The following DNAH8 variants were observed in gnomAD, a reference collection of about 807,000 sequenced individuals.
DNAH8 encodes axonemal beta dynein heavy chain 8.
Under a neutral mutation model 562.1 loss-of-function variants are expected in DNAH8, and 382 were observed. The ratio of observed to expected loss-of-function variants is 0.68; its 90% CI spans 0.63 to 0.74. DNAH8 has a LOEUF of 0.74. Ranked by LOEUF, DNAH8 falls within the 30% of genes least tolerant of loss-of-function variation. The pLI, the probability that DNAH8 is intolerant of heterozygous loss-of-function variation, is 0.00. For missense variants in DNAH8, 5,203 were observed against 5,620.4 expected (o/e 0.93, Z 2.37); for synonymous variants, 1,881 against 1,919.4 (o/e 0.98, Z 0.52).
rs138016358 is a variant in DNAH8, at chr6:38,929,574, C to G, written c.11182C>G (p.Pro3728Ala). The G allele has an allele frequency of 9.7e-5, 157 of 1,612,536 alleles. 1 individual carries two copies. Among genetic ancestry groups the G allele is most frequent in the Non-Finnish European group, 1.2e-4 (136 of 1,179,410 alleles). Reference sequence around the variant, plus strand: ...GGAGGACAGCCTTTCCTTGGGCCGACCCCTTCTCATTGAGGACATTCATGA... The same window carrying G: ...GGAGGACAGCCTTTCCTTGGGCCGAGCCCTTCTCATTGAGGACATTCATGA... ...HLEDSLSLGR[P>A]LLIEDIHEEL... Residue 3728 changes from proline (P) to alanine (A), a missense_variant, in exon 75 of 93, where the codon CCC becomes GCC. Coordinates refer to ENST00000327475, the MANE Select transcript of DNAH8 (RefSeq NM_001206927.2).
intron 11 of DNAH8, chr6:38,763,115 T>C: frequency 3.0e-6 from 1 of 337,322 alleles, no homozygotes; most frequent in Non-Finnish European, 5.7e-6. Flanking sequence ...AATGACTACT[T>C]CACTTGCATC....
chr6:38,966,234 A>G (rs150378385), intron 82 of DNAH8, among the ~76,000 whole-genome samples: 1 of 152,334 alleles, frequency 6.6e-6, no homozygotes, highest in African/African-American at 2.4e-5. Flanking sequence ...CCAACAAATT[A>G]GATAACCTAG....
intron 88 of DNAH8, among the ~76,000 whole-genome samples, chr6:38,994,674 G>A (rs1765020602): frequency 7.4e-6 from 1 of 135,708 alleles, no homozygotes; most frequent in Non-Finnish European, 1.5e-5. Context: ...TTGAGCCGGA[G>A]TCATGCTCTG....
At chr6:38,908,141 A>G (rs753935844) in intron 64 of DNAH8, 21 bp downstream of exon 64, 37 of 1,450,864 alleles carry the variant, frequency 2.6e-5, no homozygotes, top group Non-Finnish European at 2.9e-5. Context: ...ATTTTTATTT[A>G]TATCTACGTA....
At position 38,870,526 on chromosome 6, in the gene DNAH8, G is replaced by A. The variant is rs1561791026; in HGVS notation, c.6954G>A (p.Leu2318=). The A allele has an allele frequency of 6.2e-7, 1 of 1,614,018 alleles. No individual in the cohort carries two copies. The part of the protein sequence containing the change: ...AVAHQVQIEG[L]INHPPWNLKL... ...CCCATCAGGTTCAGATAGAGGGTTT[G>A]ATTAACCATCCACCCTGGAACCTGA... The change falls in exon 49 of 93, where the codon TTG becomes TTA. Residue 2318 remains leucine, a synonymous_variant. Transcript: ENST00000327475.
rs568704029 is a variant in DNAH8, at chr6:38,725,606, C to T, written c.525+2135C>T. On this transcript the variant is annotated intron_variant, in intron 3 of 92. Transcript: ENST00000327475. ...GTACGTAAAACAAGAGGTGTCACAG[C>T]AAGCAACCGGAAGTAGGTTGTGGTT... is the stretch of plus-strand genomic sequence containing the variant. Among the ~76,000 whole-genome samples, 397 of 152,248 alleles carry T rather than the reference C, an allele frequency of 2.6e-3. 5 individuals carry two copies. The highest frequency in any genetic ancestry group is 3.9e-3 in the Non-Finnish European group (263 of 68,016).
intron 85 of DNAH8, among the ~76,000 whole-genome samples, chr6:38,974,812 G>C (rs1359086020): frequency 1.3e-5 from 2 of 152,118 alleles, no homozygotes; most frequent in Non-Finnish European, 2.9e-5. Context: ...CAGCACGCAG[G>C]GGATTGTCAG....
rs1391550114 is a variant in DNAH8 at position 38,889,622 on chromosome 6, A to G, written c.8474-1030A>G. ...CTCAGAGAAGTGAGATAACTGCCCA[A>G]TCAAGGCCTTTTAGCTAGTGCTTGG... On this transcript the variant is annotated intron_variant, in intron 57 of 92. Coordinates refer to ENST00000327475, the MANE Select transcript of DNAH8 (RefSeq NM_001206927.2). 2.6e-5 allele frequency among the ~76,000 whole-genome samples: 4 copies of G among 152,222 alleles called. No homozygotes were observed. The East Asian group carries it at 5.8e-4, about 22-fold the overall frequency.
intron 53 of DNAH8, among the ~76,000 whole-genome samples, chr6:38,877,932 T>C (rs1439137844): frequency 6.6e-6 from 1 of 152,222 alleles, no homozygotes; most frequent in African/African-American, 2.4e-5. Flanking sequence ...ATTAGTTTAT[T>C]GCATGGATGC....
At chr6:38,912,149 TC>T (rs756993697) in intron 66 of DNAH8, among the ~76,000 whole-genome samples, 1 of 152,144 alleles carries the variant, frequency 6.6e-6, no homozygotes, top group Non-Finnish European at 1.5e-5. Context: ...ACACCTTAGT[TC>T]TTATTTTTCA....
chr6:38,948,310 G>A (rs937062395), intron 80 of DNAH8, among the ~76,000 whole-genome samples: 2 of 152,052 alleles, frequency 1.3e-5, no homozygotes, highest in African/African-American at 4.8e-5. Flanking sequence ...ACTGCTTACT[G>A]TGGCTTTTTT....
intron 1 of DNAH8, among the ~76,000 whole-genome samples, chr6:38,719,229 T>G (rs868190438): frequency 6.6e-6 from 1 of 151,798 alleles, no homozygotes; most frequent in East Asian, 1.9e-4. Flanking sequence ...GAAGTAGTCT[T>G]TTTTTCTGAC....
In DNAH8 at chr6:38,724,722, C is replaced by T. The variant is rs184038248; in HGVS notation, c.525+1251C>T. Among the ~76,000 whole-genome samples the T allele has an allele frequency of 1.0e-3, 152 of 152,262 alleles. 2 individuals carry two copies. Among genetic ancestry groups the T allele is most frequent in the Non-Finnish European group, 2.5e-4 (17 of 68,022 alleles). On this transcript the variant is annotated intron_variant, in intron 3 of 92. Coordinates refer to ENST00000327475, the MANE Select transcript of DNAH8 (RefSeq NM_001206927.2). ...TGTCATAGCTTCCCTCGCGATAGCT[C>T]TGGTTCTAAGATAATTTTCAATAAA...
intron 67 of DNAH8, among the ~76,000 whole-genome samples, chr6:38,914,392 C>CTTTTTTTTTTTTTTT (rs66765653): frequency 3.1e-5 from 2 of 63,990 alleles, no homozygotes; most frequent in Non-Finnish European, 5.3e-5. Flanking sequence ...TGCTTTTTCT[C>CTTTTTTTTTTTTTTT]TTTTTTTTTT....
chr6:38,985,622 T>C (rs1368588214), intron 87 of DNAH8, among the ~76,000 whole-genome samples: 2 of 152,216 alleles, frequency 1.3e-5, no homozygotes, highest in Non-Finnish European at 2.9e-5. Context: ...AGCAGTCCAG[T>C]AATACTTACT....
Position 38,872,669 on chromosome 6 carries a change from A to G in DNAH8, c.7124A>G (p.Asn2375Ser), listed in dbSNP as rs772627456. The change falls in exon 50 of 93, where the codon AAT becomes AGT. Residue 2375 changes from asparagine (N) to serine (S), a missense_variant. Asn to Ser is a conservative substitution (Grantham distance 46). Coordinates refer to ENST00000327475, the MANE Select transcript of DNAH8 (RefSeq NM_001206927.2). ...AGGCCTCATAGAGAAATGCGAATGA[A>G]TCCAAAAGCCATTACTGCACCTCAG... is the stretch of plus-strand genomic sequence containing the variant. ...CGRPHREMRM[N>S]PKAITAPQMF... 1 of 1,614,118 alleles carries G rather than the reference A, an allele frequency of 6.2e-7. No homozygotes were observed. Among genetic ancestry groups the G allele is most frequent in the South Asian group, 1.1e-5 (1 of 91,088 alleles).
chr6:38,884,524 C>T (rs1410763633), intron 56 of DNAH8, among the ~76,000 whole-genome samples: 1 of 152,158 alleles, frequency 6.6e-6, no homozygotes, highest in African/African-American at 2.4e-5. Flanking sequence ...GAACTCCTGA[C>T]CTCAGATGAT....
intron 88 of DNAH8, among the ~76,000 whole-genome samples, chr6:38,992,614 A>T (rs1430658528): frequency 6.6e-6 from 1 of 152,168 alleles, no homozygotes; most frequent in Non-Finnish European, 1.5e-5. Context: ...GAGACTGGGG[A>T]GTCACGAGAG....
intron 23 of DNAH8, 86 bp downstream of exon 23, chr6:38,805,682 C>G: frequency 2.9e-6 from 2 of 693,954 alleles, no homozygotes; most frequent in Non-Finnish European, 4.8e-6. Context: ...TTTTTCCAGG[C>G]AGTTCTGCAA....
Sources: allele counts gnomAD v4.1 joint callset (sites outside exome capture counted in the v4.1 genomes callset), GRCh38; gene constraint gnomAD v4.1.1; transcripts MANE v1.5; gene names NCBI Gene and HGNC (gene_info 2026-07-23, HGNC 2026-07-21).